ASTN1: variants seen among roughly 807,000 people sequenced by gnomAD.
ASTN1 encodes astrotactin-1.
A neutral mutation model predicts 140.7 loss-of-function variants in ASTN1; 41 were observed. The observed-to-expected ratio is 0.29, with a 90% CI of 0.23 to 0.38. The LOEUF (loss-of-function observed/expected upper bound fraction) is 0.38, where lower values mean the gene tolerates loss of function less well. Ranked by LOEUF, ASTN1 falls within the 10% of genes least tolerant of loss-of-function variation. The probability of loss-of-function intolerance (pLI) is 1.00; values close to 1 mark genes in which losing one functional copy is unlikely to be tolerated. For synonymous variants in ASTN1, 640 were observed against 652.2 expected (o/e 0.98, Z 0.29); for missense variants, 1,479 against 1,678.8 (o/e 0.88, Z 2.08).
chr1:176,914,449 C>T (rs768366490), intron 16 of ASTN1, among the ~76,000 whole-genome samples: 8 of 152,132 alleles, frequency 5.3e-5, no homozygotes, highest in Non-Finnish European at 1.5e-5. Context: ...TGAAGGTGGC[C>T]ACAGAGGTCA....
intron 1 of ASTN1, among the ~76,000 whole-genome samples, chr1:177,138,101 A>C (rs1682285700): frequency 6.6e-6 from 1 of 152,222 alleles, no homozygotes; most frequent in Middle Eastern, 3.4e-3. Context: ...TGGTGCTCAG[A>C]TCAACTCTCC....
chr1:176,903,203 T>C (rs931203493), intron 16 of ASTN1, among the ~76,000 whole-genome samples: 6 of 152,198 alleles, frequency 3.9e-5, no homozygotes, highest in East Asian at 1.9e-4. Flanking sequence ...TAAGCACATA[T>C]ACGTGGGGGA....
At chr1:177,078,285 G>A (rs960954712) in intron 1 of ASTN1, among the ~76,000 whole-genome samples, 2 of 152,142 alleles carry the variant, frequency 1.3e-5, no homozygotes, top group African/African-American at 4.8e-5. Context: ...CAGCTCCTGT[G>A]CCTTCATCCC....
At chr1:176,898,005 G>A (rs1464044714) in intron 16 of ASTN1, among the ~76,000 whole-genome samples, 3 of 152,128 alleles carry the variant, frequency 2.0e-5, no homozygotes, top group African/African-American at 7.2e-5. Flanking sequence ...CGGAGCTGAG[G>A]GTCCGAGGGC....
intron 17 of ASTN1, among the ~76,000 whole-genome samples, chr1:176,891,178 G>A (rs1168769307): frequency 6.6e-6 from 1 of 152,232 alleles, no homozygotes; most frequent in African/African-American, 2.4e-5. Context: ...ACATTTGTCT[G>A]AGTATCTACA....
In ASTN1 at chr1:176,862,847, A is replaced by G. The variant is rs768210530; in HGVS notation, c.*1437T>C. 56 of 985,328 alleles carry G rather than the reference A, an allele frequency of 5.7e-5. No homozygotes were observed. Among genetic ancestry groups the G allele is most frequent in the Non-Finnish European group, 6.5e-5 (54 of 829,944 alleles). 61.0% of individuals were successfully genotyped at this position (985,328 alleles called of 1,614,324 possible). On this transcript the variant is annotated 3_prime_UTR_variant, in exon 23 of 23. Transcript: ENST00000361833. ...CTACTACTATTTAGAAAAAAAACCA[A>G]TATAGCTCAATGACTAGCCTTATAG...
chr1:176,913,373 T>C (rs572817286), intron 16 of ASTN1, among the ~76,000 whole-genome samples: 12 of 152,316 alleles, frequency 7.9e-5, no homozygotes, highest in African/African-American at 2.6e-4. Flanking sequence ...CTGATGCTAT[T>C]GATAGGTTCA....
chr1:177,010,250 G>T (rs1675225975), intron 8 of ASTN1, among the ~76,000 whole-genome samples: 2 of 152,138 alleles, frequency 1.3e-5, no homozygotes, highest in South Asian at 4.1e-4. Context: ...AATAGTCTGT[G>T]TTTAATAGTC....
intron 16 of ASTN1, among the ~76,000 whole-genome samples, chr1:176,920,984 CAA>C (rs1316490253): frequency 6.6e-6 from 1 of 152,136 alleles, no homozygotes; most frequent in Non-Finnish European, 1.5e-5. Flanking sequence ...TGGAAATTTC[CAA>C]GAGAGAGAAG....
At chr1:176,914,659 T>C (rs1298571842) in intron 16 of ASTN1, among the ~76,000 whole-genome samples, 1 of 152,182 alleles carries the variant, frequency 6.6e-6, no homozygotes, top group Non-Finnish European at 1.5e-5. Context: ...CGAGTTAAAC[T>C]GAGTCAGGCA....
At chr1:176,857,813 C>A (rs1228300388), downstream of ASTN1, among the ~76,000 whole-genome samples, 1 of 152,200 alleles carries the variant, frequency 6.6e-6, no homozygotes, top group East Asian at 1.9e-4. Context: ...GTCATCAGGA[C>A]AAAACGGCAT....
chr1:176,862,789 A>G lies in ASTN1; in HGVS notation c.*1495T>C. 1 of 982,148 alleles carries G rather than the reference A, an allele frequency of 1.0e-6. No homozygotes were observed. Among genetic ancestry groups the G allele is most frequent in the Non-Finnish European group, 1.2e-6 (1 of 826,904 alleles). 60.8% of individuals were successfully genotyped at this position (982,148 alleles called of 1,614,324 possible). On this transcript the variant is annotated 3_prime_UTR_variant, in exon 23 of 23. Transcript: ENST00000361833. ...TAAAGTGCTTACATCAGCGCCTGGC[A>G]TACAGCAAGCACTCAATAAATGTTA...
rs373824047 is a variant in ASTN1 at position 177,055,385 on chromosome 1, C to G, written c.471+5693G>C. On this transcript the variant is annotated intron_variant, in intron 2 of 22. Transcript: ENST00000361833. ...GGTGAGGGATGTTTGTAAGCCAAAC[C>G]TTAGTTGGCACTTGACATGGTCCCC... Among the ~76,000 whole-genome samples the G allele has an allele frequency of 3.4e-3, 522 of 152,348 alleles. 2 individuals carry two copies. In the Middle Eastern group the frequency reaches 0.041, roughly 12 times the overall value.
chr1:176,939,954 A>G (rs1671645343), intron 14 of ASTN1, among the ~76,000 whole-genome samples: 1 of 152,086 alleles, frequency 6.6e-6, no homozygotes, highest in Non-Finnish European at 1.5e-5. Context: ...TTTATCTGAA[A>G]TGTCAGGGAT....
At chr1:177,086,256 A>T (rs1679463841) in intron 1 of ASTN1, among the ~76,000 whole-genome samples, 1 of 101,748 alleles carries the variant, frequency 9.8e-6, no homozygotes, top group Non-Finnish European at 1.8e-5. Context: ...CTCTAGTGGC[A>T]CTTTCTCTGT....
At chr1:176,919,214 A>T (rs974327450) in intron 16 of ASTN1, among the ~76,000 whole-genome samples, 16 of 152,238 alleles carry the variant, frequency 1.1e-4, no homozygotes, top group African/African-American at 3.9e-4. Flanking sequence ...ACCTGCACAC[A>T]TTAGATACTC....
At chr1:176,988,096 C>T (rs1386587401) in intron 8 of ASTN1, among the ~76,000 whole-genome samples, 3 of 152,034 alleles carry the variant, frequency 2.0e-5, no homozygotes, top group African/African-American at 4.8e-5. Flanking sequence ...ATTTGAGATA[C>T]TTGAAGGAAA....
At chr1:177,160,445 A>C (rs1647294305) in intron 1 of ASTN1, among the ~76,000 whole-genome samples, 1 of 152,256 alleles carries the variant, frequency 6.6e-6, no homozygotes, top group African/African-American at 2.4e-5. Context: ...TTCAATCAAA[A>C]GCCATGACAG....
chr1:177,144,613 G>A (rs1682639613), intron 1 of ASTN1, among the ~76,000 whole-genome samples: 1 of 148,076 alleles, frequency 6.8e-6, no homozygotes, highest in South Asian at 2.2e-4. Context: ...AACAGCCCCA[G>A]TGGTTTAGAG....
Sources: allele counts gnomAD v4.1 joint callset (sites outside exome capture counted in the v4.1 genomes callset), GRCh38; gene constraint gnomAD v4.1.1; transcripts MANE v1.5; gene names NCBI Gene and HGNC (gene_info 2026-07-23, HGNC 2026-07-21).